GNL2: variants seen among roughly 807,000 people sequenced by gnomAD.
GNL2 encodes G protein nucleolar 2.
Under a neutral mutation model 92.3 loss-of-function variants are expected in GNL2, and 51 were observed. That is an observed-to-expected ratio of 0.55 (90% CI 0.44 to 0.70). The LOEUF is 0.70. Ranked by LOEUF, GNL2 falls within the 30% of genes least tolerant of loss-of-function variation. The probability of loss-of-function intolerance (pLI) is 0.00; values close to 1 mark genes in which losing one functional copy is unlikely to be tolerated. For synonymous variants in GNL2, 283 were observed against 300.6 expected, an observed-to-expected ratio of 0.94 and a Z score of 0.61; for missense variants, 844 against 895.6, an observed-to-expected ratio of 0.94 and a Z score of 0.74.
chr1:37,573,805 G>A (rs1643632637), intron 12 of GNL2, among the ~76,000 whole-genome samples: 3 of 152,186 alleles, frequency 2.0e-5, no homozygotes, highest in African/African-American at 7.2e-5. Context: ...CCCCTAGCAA[G>A]GCCATGGCAC....
At chr1:37,569,437 C>A in intron 12 of GNL2, 135 bp from the exon 13 acceptor site, 1 of 617,142 alleles carries the variant, frequency 1.6e-6, no homozygotes, top group Non-Finnish European at 2.8e-6. Flanking sequence ...AAATTTGAGT[C>A]ATTTCATTAA....
intron 9 of GNL2, 187 bp downstream of exon 9, chr1:37,576,239 TAA>T (rs1050632171): frequency 1.8e-6 from 1 of 547,100 alleles, no homozygotes; most frequent in African/African-American, 1.9e-5. Context: ...CGGGGGCATA[TAA>T]AATACTCTCA....
At chr1:37,568,226 C>T in intron 14 of GNL2, 49 bp downstream of exon 14, 2 of 1,214,528 alleles carry the variant, frequency 1.6e-6, no homozygotes, top group Non-Finnish European at 2.4e-6. Flanking sequence ...TTTCTCAAAA[C>T]TCTAAATATG....
intron 14 of GNL2, 146 bp downstream of exon 14, chr1:37,568,129 C>T (rs991433395): frequency 1.4e-5 from 9 of 625,514 alleles, no homozygotes; most frequent in African/African-American, 1.3e-4. Context: ...ATTCAATTTG[C>T]ATAACACTAT....
intron 5 of GNL2, among the ~76,000 whole-genome samples, chr1:37,584,463 A>ATT (rs1256137922): frequency 3.7e-4 from 50 of 134,166 alleles, no homozygotes; most frequent in Non-Finnish European, 6.5e-4. Context: ...TAATTAATTA[A>ATT]AAAAAAAAAA....
At chr1:37,576,368 A>G in intron 9 of GNL2, 60 bp downstream of exon 9, 1 of 1,496,692 alleles carries the variant, frequency 6.7e-7, no homozygotes, top group Non-Finnish European at 9.2e-7. Context: ...CAAGTCCTAA[A>G]CAATCACTCT....
intron 8 of GNL2, among the ~76,000 whole-genome samples, chr1:37,580,993 T>C (rs1643757681): frequency 6.6e-6 from 1 of 151,824 alleles, no homozygotes; most frequent in South Asian, 2.1e-4. Flanking sequence ...CCTTTCCAAG[T>C]TAAAACAACA....
At position 37,569,407 on chromosome 1, in the gene GNL2, G is replaced by T. The variant is rs1320816212; in HGVS notation, c.1417-105C>A. The T allele has an allele frequency of 5.4e-6, 4 of 744,828 alleles. No homozygotes were observed. The South Asian group carries it at 7.5e-5, about 14-fold the overall frequency. 46.1% of individuals were successfully genotyped at this position (744,828 alleles called of 1,614,324 possible). On this transcript the variant is annotated intron_variant, in intron 12 of 15. Coordinates refer to ENST00000373062, the MANE Select transcript of GNL2 (RefSeq NM_013285.3). Reference sequence around the variant, plus strand: ...AAACAGTCCTCTTCTCAGGACTAAGGGAAGGTATTGAAAACACCCAAATTT... The same window carrying T: ...AAACAGTCCTCTTCTCAGGACTAAGTGAAGGTATTGAAAACACCCAAATTT...
At chr1:37,582,106 CT>C (rs1323450136) in intron 8 of GNL2, 116 bp downstream of exon 8, 1 of 630,352 alleles carries the variant, frequency 1.6e-6, no homozygotes, top group Non-Finnish European at 2.8e-6. Flanking sequence ...GACTACAGAC[CT>C]GCGCAACCAC....
rs1052664914 is a variant in GNL2 at position 37,575,481 on chromosome 1, C to A, written c.1143+114G>T. The A allele has an allele frequency of 1.7e-5, 10 of 590,770 alleles. No individual in the cohort carries two copies. In the African/African-American group the frequency reaches 1.9e-4, roughly 11 times the overall value. 36.6% of individuals were successfully genotyped at this position (590,770 alleles called of 1,614,324 possible). On this transcript the variant is annotated intron_variant, in intron 10 of 15. Transcript: ENST00000373062. The surrounding 1 kb of genome is among the most constrained non-coding windows in gnomAD (Gnocchi z 4.1). ...CAGCATCATGTTCCTAAAGTTTGGT[C>A]AGACAGGCTGACCCCAAACTGCCTT... is the stretch of plus-strand genomic sequence containing the variant.
At chr1:37,572,694 C>T (rs980246359) in intron 12 of GNL2, among the ~76,000 whole-genome samples, 2 of 152,132 alleles carry the variant, frequency 1.3e-5, no homozygotes, top group South Asian at 4.1e-4. Context: ...TATCATAAAC[C>T]GTTAATTGTA....
chr1:37,595,333 T>C (rs1386435982), intron 1 of GNL2, among the ~76,000 whole-genome samples: 2 of 152,300 alleles, frequency 1.3e-5, no homozygotes, highest in East Asian at 1.9e-4. Context: ...GATAGAATAA[T>C]TCCAAGGGCC....
rs1176672506 is a variant in GNL2, at chr1:37,576,570, G to A, written c.910-14C>T. 1.2e-6 allele frequency: 2 copies of A among 1,612,090 alleles called. No homozygotes were observed. The highest frequency in any genetic ancestry group is 1.3e-5 in the African/African-American group (1 of 74,956). On this transcript the variant is annotated splice_polypyrimidine_tract_variant and intron_variant, in intron 8 of 15. Coordinates refer to ENST00000373062, the MANE Select transcript of GNL2 (RefSeq NM_013285.3). Reference sequence around the variant, plus strand: ...GTCAGTGTGCAACTGTTCAAAGAGAGAATACACAGCACATACATGCAGTCA... The same window carrying A: ...GTCAGTGTGCAACTGTTCAAAGAGAAAATACACAGCACATACATGCAGTCA...
At chr1:37,576,145 T>C (rs1643674044) in intron 9 of GNL2, 1 of 351,286 alleles carries the variant, frequency 2.8e-6, no homozygotes, top group South Asian at 4.0e-5. Flanking sequence ...GGGTTAGTTT[T>C]GTTTATCAAA....
chr1:37,590,030 T>C (rs952002052), intron 4 of GNL2, among the ~76,000 whole-genome samples: 5 of 152,246 alleles, frequency 3.3e-5, no homozygotes, highest in Non-Finnish European at 5.9e-5. Context: ...TTAGGTGGTG[T>C]GCTATGTGCT....
intron 1 of GNL2, among the ~76,000 whole-genome samples, chr1:37,595,228 G>C (rs944962554): frequency 7.2e-5 from 11 of 152,184 alleles, no homozygotes; most frequent in Non-Finnish European, 1.3e-4. Flanking sequence ...TAATCGTACA[G>C]GTGGAACCTC....
rs215201 is a variant in GNL2, at chr1:37,569,495, T to C, written c.1417-193A>G. On this transcript the variant is annotated intron_variant, in intron 12 of 15. Transcript: ENST00000373062. ...TTAAGCCCAGAGATCAGTACTAGGA[T>C]CAAAGGAATACATGTGTAGTTCCAC... The C allele has an allele frequency of 8.3e-5, 47 of 564,960 alleles. No individual in the cohort carries two copies. The African/African-American group carries it at 8.6e-4, about 10-fold the overall frequency. The allele number at this position is 564,960 out of a possible 1,614,324, so 35.0% of individuals were successfully genotyped here. A position where few individuals can be genotyped will look rare whatever the true frequency, so the allele number is the denominator to read the frequency against.
chr1:37,582,530 C>G (rs1036674949), intron 7 of GNL2, among the ~76,000 whole-genome samples, 194 bp from the exon 8 acceptor site: 1 of 152,168 alleles, frequency 6.6e-6, no homozygotes. Flanking sequence ...AAATACAAAA[C>G]AATATTCCAA....
intron 13 of GNL2, 98 bp downstream of exon 13, chr1:37,568,753 T>G: frequency 1.2e-6 from 1 of 834,794 alleles, no homozygotes. Context: ...AACAAACAAA[T>G]GGCAATAACC....
Sources: gnomAD v4.1 joint callset for allele counts (sites outside exome capture counted in the v4.1 genomes callset) on GRCh38, gnomAD v4.1.1 for gene constraint, Gnocchi (gnomAD v3.1) non-coding constraint, MANE v1.5 for transcripts, NCBI Gene and HGNC (gene_info 2026-07-23, HGNC 2026-07-21) for gene names.